Variants in N4BP2L2 observed in about 807,000 individuals in gnomAD.
The protein encoded by N4BP2L2 is NEDD4-binding protein 2-like 2.
N4BP2L2 carries 50 observed loss-of-function variants against 56.2 expected under a neutral mutation model. The ratio of observed to expected loss-of-function variants is 0.89; its 90% CI spans 0.71 to 1.13. N4BP2L2 has a LOEUF of 1.13. Ranked by LOEUF, N4BP2L2 falls within the 50% of genes most tolerant of loss-of-function variation. N4BP2L2 has a pLI of 0.00. For missense variants in N4BP2L2, 689 were observed against 693.8 expected (o/e 0.99, Z 0.08); for synonymous variants, 203 against 223.6 (o/e 0.91, Z 0.82).
At chr13:32,462,941 G>A (rs2080459125) in intron 6 of N4BP2L2, among the ~76,000 whole-genome samples, 1 of 151,206 alleles carries the variant, frequency 6.6e-6, no homozygotes. Context: ...TACACGGGAG[G>A]CTGAGGCAGG....
chr13:32,510,144 T>C (rs2091541336), downstream of N4BP2L2: 1 of 152,136 alleles, frequency 6.6e-6, no homozygotes, highest in Non-Finnish European at 1.5e-5. Context: ...GGAAAATTTA[T>C]GTAATTTCCA....
rs1166402539 is a variant in N4BP2L2, at chr13:32,435,134, T to A, written c.*21+1227A>T. Among the ~76,000 whole-genome samples the A allele has an allele frequency of 2.0e-5, 3 of 152,198 alleles. No homozygotes were observed. In the East Asian group the frequency reaches 5.8e-4, roughly 29 times the overall value. ...AGCCAAGTCCTTGCCCAACATGCTA[T>A]GGTGTTAAATCAAATCCCTACAACA... On this transcript the variant is annotated intron_variant, in intron 9 of 9. Transcript: ENST00000357505.
At chr13:32,527,315 T>C in intron 3 of N4BP2L2, 93 bp downstream of exon 3, 1 of 1,388,260 alleles carries the variant, frequency 7.2e-7, no homozygotes, top group Non-Finnish European at 9.8e-7. Flanking sequence ...CCTACAGTCA[T>C]TCAGCTGGTA....
intron 6 of N4BP2L2, among the ~76,000 whole-genome samples, chr13:32,470,619 T>C (rs1291472705): frequency 6.6e-6 from 1 of 152,182 alleles, no homozygotes; most frequent in African/African-American, 2.4e-5. Flanking sequence ...AGCAGCTATA[T>C]ATGCTTCCCT....
intron 6 of N4BP2L2, among the ~76,000 whole-genome samples, chr13:32,474,823 T>C (rs2082986975): frequency 6.6e-6 from 1 of 152,216 alleles, no homozygotes; most frequent in South Asian, 2.1e-4. Flanking sequence ...TTAAGTAGCA[T>C]TTAAAGGATT....
At chr13:32,526,818 G>GTTGTTT (rs2053001514) in intron 3 of N4BP2L2, 1 of 24,236 alleles carries the variant, frequency 4.1e-5, no homozygotes, top group East Asian at 1.5e-3. Flanking sequence ...CTTTTTGTCT[G>GTTGTTT]TTTTTTTTTT....
At chr13:32,436,856 A>ATATT (rs1356486779) in intron 8 of N4BP2L2, among the ~76,000 whole-genome samples, 8 of 139,346 alleles carry the variant, frequency 5.7e-5, no homozygotes, top group East Asian at 2.1e-4. Flanking sequence ...TAAATATCTA[A>ATATT]TATCTATCTA....
rs552328585 is a variant in N4BP2L2 at position 32,480,679 on chromosome 13, T to C, written c.366-36553A>G. ...CATTTAGATTGTGCTTCACAACTTT[T>C]AAAGTGCTTTCATAAACATCATCTT... On this transcript the variant is annotated intron_variant, in intron 6 of 9. Coordinates refer to the N4BP2L2 transcript ENST00000357505. 820 of 1,191,402 alleles carry C rather than the reference T, an allele frequency of 6.9e-4. 1 individual carries two copies. Among genetic ancestry groups the C allele is most frequent in the Middle Eastern group, 2.2e-3 (10 of 4,482 alleles). The allele number at this position is 1,191,402 out of a possible 1,614,324, so 73.8% of individuals were successfully genotyped here.
chr13:32,454,845 T>C lies in N4BP2L2; in HGVS notation c.366-10719A>G, dbSNP rs1013087135. Among the ~76,000 whole-genome samples the C allele has an allele frequency of 3.9e-5, 6 of 152,216 alleles. No homozygotes were observed. The East Asian group carries it at 1.2e-3, about 29-fold the overall frequency. Reference sequence around the variant, plus strand: ...ACACTGGAATTCAACAGAGAAATTATAGGAAACACCTAAGGCACAGAAGGA... The same window carrying C: ...ACACTGGAATTCAACAGAGAAATTACAGGAAACACCTAAGGCACAGAAGGA... On this transcript the variant is annotated intron_variant, in intron 6 of 9. Transcript: ENST00000357505.
intron 1 of N4BP2L2, 32 bp from the exon 2 acceptor site, chr13:32,537,059 C>A: frequency 1.5e-6 from 2 of 1,314,744 alleles, no homozygotes; most frequent in Non-Finnish European, 2.0e-6. Context: ...CAATTACTAG[C>A]TAATATATTA....
chr13:32,527,442 T>C, exon 3 of N4BP2L2: 10 of 1,614,046 alleles, frequency 6.2e-6, no homozygotes, highest in Non-Finnish European at 8.5e-6. Flanking sequence ...CATCACCAAG[T>C]TGATTAACAT....
intron 6 of N4BP2L2, among the ~76,000 whole-genome samples, chr13:32,482,430 C>T (rs992391170): frequency 2.6e-5 from 4 of 152,132 alleles, no homozygotes; most frequent in African/African-American, 4.8e-5. Flanking sequence ...AGTGCCATCT[C>T]GGCTCACCTC....
intron 6 of N4BP2L2, among the ~76,000 whole-genome samples, chr13:32,453,437 G>GAA (rs555343057): frequency 7.0e-6 from 1 of 142,464 alleles, no homozygotes. Context: ...TTAATCAAGA[G>GAA]AAAAAAAAAA....
chr13:32,486,677 A>AAAT (rs561649707), intron 6 of N4BP2L2, among the ~76,000 whole-genome samples: 108 of 151,192 alleles, frequency 7.1e-4, no homozygotes, highest in Non-Finnish European at 1.2e-3. Context: ...CTTCATCTCA[A>AAAT]AATAATAATA....
chr13:32,485,943 G>T (rs1038893383), intron 6 of N4BP2L2, among the ~76,000 whole-genome samples: 3 of 151,914 alleles, frequency 2.0e-5, no homozygotes, highest in African/African-American at 7.3e-5. Flanking sequence ...GGTGATGTGG[G>T]CCTGTAGTCT....
intron 5 of N4BP2L2, among the ~76,000 whole-genome samples, chr13:32,518,830 T>A (rs2049946739): frequency 6.6e-6 from 1 of 152,164 alleles, no homozygotes; most frequent in African/African-American, 2.4e-5. Context: ...AAGTTATATA[T>A]TTATATTTAT....
At chr13:32,439,856 CA>C (rs57865081) in intron 7 of N4BP2L2, among the ~76,000 whole-genome samples, 69,018 of 105,226 alleles carry the variant, frequency 0.66, 20,440 homozygotes, top group East Asian at 0.87. Flanking sequence ...ATTAAGAATC[CA>C]AAAAAAAAAA....
intron 2 of N4BP2L2, among the ~76,000 whole-genome samples, chr13:32,530,198 T>A (rs1208690215): frequency 6.6e-6 from 1 of 152,196 alleles, no homozygotes; most frequent in African/African-American, 2.4e-5. Context: ...GAACATTTTC[T>A]TAAATATATA....
intron 5 of N4BP2L2, among the ~76,000 whole-genome samples, chr13:32,518,857 G>A (rs569247753): frequency 6.6e-6 from 1 of 152,094 alleles, no homozygotes; most frequent in African/African-American, 2.4e-5. Context: ...TTCTGTATGT[G>A]AGGTTATATG....
Sources: allele counts gnomAD v4.1 joint callset (sites outside exome capture counted in the v4.1 genomes callset), GRCh38; gene constraint gnomAD v4.1.1; transcripts MANE v1.5; gene names NCBI Gene and HGNC (gene_info 2026-07-23, HGNC 2026-07-21).